Variants in CACNA1C observed in about 807,000 individuals in gnomAD.
CACNA1C encodes the protein voltage-dependent L-type calcium channel subunit alpha-1C.
CACNA1C carries 30 observed loss-of-function variants against 229.0 expected under a neutral mutation model. The ratio of observed to expected loss-of-function variants is 0.13; its 90% CI spans 0.10 to 0.18. CACNA1C has a LOEUF of 0.18. Ranked by LOEUF, CACNA1C falls within the 10% of genes least tolerant of loss-of-function variation. The probability of loss-of-function intolerance (pLI) is 1.00; values close to 1 mark genes in which losing one functional copy is unlikely to be tolerated. For missense variants in CACNA1C, 1,658 were observed against 2,845.0 expected (o/e 0.58, Z 9.49); for synonymous variants, 1,114 against 1,132.5 (o/e 0.98, Z 0.33).
rs1215741989 is a variant in CACNA1C at position 2,511,567 on chromosome 12, C to T, written c.1218-1245C>T. On this transcript the variant is annotated intron_variant, in intron 8 of 46. Transcript: ENST00000399655. ...CAAGAATTAACCAAGATGTCCTATG[C>T]ATGTACACACACACACACACACACA... Among the ~76,000 whole-genome samples, 3 of 142,550 alleles carry T rather than the reference C, an allele frequency of 2.1e-5. No homozygotes were observed. The East Asian group carries it at 6.2e-4, about 29-fold the overall frequency. The allele number at this position is 142,550 out of a possible 152,430, so 93.5% of individuals were successfully genotyped here.
intron 3 of CACNA1C, among the ~76,000 whole-genome samples, chr12:2,239,187 T>TA (rs1203253560): frequency 6.6e-6 from 1 of 152,098 alleles, no homozygotes; most frequent in Non-Finnish European, 1.5e-5. Flanking sequence ...AGGTCAGCGT[T>TA]AGAGTGGGTA....
intron 3 of CACNA1C, among the ~76,000 whole-genome samples, chr12:2,392,621 A>G (rs1406275646): frequency 6.6e-6 from 1 of 152,158 alleles, no homozygotes; most frequent in African/African-American, 2.4e-5. Flanking sequence ...GGGATTTGTC[A>G]TGGGGTGATT....
intron 3 of CACNA1C, among the ~76,000 whole-genome samples, chr12:2,218,283 A>T (rs958808923): frequency 6.6e-6 from 1 of 152,216 alleles, no homozygotes; most frequent in Non-Finnish European, 1.5e-5. Flanking sequence ...CATCAACAAC[A>T]TGCAACAATA....
At chr12:2,192,111 C>T (rs905863261) in intron 3 of CACNA1C, among the ~76,000 whole-genome samples, 1 of 152,192 alleles carries the variant, frequency 6.6e-6, no homozygotes, top group Non-Finnish European at 1.5e-5. Context: ...CGCACACACA[C>T]ACCCCCTCCC....
At chr12:2,294,281 G>A (rs1183183201) in intron 3 of CACNA1C, among the ~76,000 whole-genome samples, 7 of 152,164 alleles carry the variant, frequency 4.6e-5, no homozygotes, top group Admixed American at 2.0e-4. Flanking sequence ...ACATGGCAGC[G>A]GTGGTGGGTC....
intron 20 of CACNA1C, among the ~76,000 whole-genome samples, chr12:2,596,931 C>G (rs576223528): frequency 2.0e-5 from 3 of 152,262 alleles, no homozygotes; most frequent in Non-Finnish European, 4.4e-5. Flanking sequence ...GGAAAAGCAT[C>G]CAACCAGATG....
Position 2,550,024 on chromosome 12 carries a change from C to A in CACNA1C, c.1472C>A (p.Ala491Asp). 2 of 1,603,472 alleles carry A rather than the reference C, an allele frequency of 1.2e-6. No homozygotes were observed. The highest frequency in any genetic ancestry group is 1.7e-6 in the Non-Finnish European group (2 of 1,174,716). ...GACATCGAGGGAGAAAACTGCGGGG[C>A]CAGGCTGGCGTGAGTAGGCACGGCG... is the stretch of plus-strand genomic sequence containing the variant. Reference protein sequence around the residue: ...GGDIEGENCGARLAHRISKSK... With the variant: ...GGDIEGENCGDRLAHRISKSK... Residue 491 changes from alanine to aspartate, a missense_variant, in exon 10 of 47, where the codon GCC (alanine) becomes GAC (aspartate). By Grantham distance (126) the Ala-to-Asp change is moderately radical (BLOSUM62 -2). Transcript: ENST00000399655.
At position 2,653,567 on chromosome 12, in the gene CACNA1C, G is replaced by A. The variant is rs115186828; in HGVS notation, c.4075-268G>A. Among the ~76,000 whole-genome samples the A allele has an allele frequency of 3.7e-4, 56 of 152,162 alleles. No homozygotes were observed. Among genetic ancestry groups the A allele is most frequent in the African/African-American group, 1.3e-3 (53 of 41,500 alleles). On this transcript the variant is annotated intron_variant, in intron 32 of 46. Transcript: ENST00000399655. The surrounding 1 kb of genome is among the most constrained non-coding windows in gnomAD (Gnocchi z 4.7). ...TGTGTAGTCGGAGGAGGTTTTGCTC[G>A]TTCTTGATTGTTTTGCCCAGGTAGT...
intron 1 of CACNA1C, among the ~76,000 whole-genome samples, chr12:1,994,027 T>C (rs2154475228): frequency 6.6e-6 from 1 of 152,220 alleles, no homozygotes; most frequent in Non-Finnish European, 1.5e-5. Context: ...CACTATAAGT[T>C]TTTCTCTATA....
intron 1 of CACNA1C, among the ~76,000 whole-genome samples, chr12:2,044,631 C>G (rs1392340562): frequency 6.6e-6 from 1 of 152,130 alleles, no homozygotes; most frequent in Non-Finnish European, 1.5e-5. Flanking sequence ...TTTTAGATTT[C>G]AGGGATGGGA....
chr12:2,612,078 T>A, intron 29 of CACNA1C, 65 bp downstream of exon 29: 1 of 972,406 alleles, frequency 1.0e-6, no homozygotes, highest in Non-Finnish European at 1.7e-6. Context: ...GGAGGTGGGG[T>A]GCAGGTATTG....
intron 3 of CACNA1C, among the ~76,000 whole-genome samples, chr12:2,313,580 A>AT (rs2095541704): frequency 6.6e-6 from 1 of 152,212 alleles, no homozygotes; most frequent in South Asian, 2.1e-4. Context: ...TTGGGACAAC[A>AT]TTTGGTTTCC....
At chr12:2,312,424 A>G (rs2095487428) in intron 3 of CACNA1C, among the ~76,000 whole-genome samples, 2 of 152,182 alleles carry the variant, frequency 1.3e-5, no homozygotes, top group Non-Finnish European at 2.9e-5. Flanking sequence ...CAACACCCAC[A>G]ACAAAGCACT....
chr12:2,278,485 C>A (rs2089826485), intron 3 of CACNA1C, among the ~76,000 whole-genome samples: 1 of 152,040 alleles, frequency 6.6e-6, no homozygotes, highest in Non-Finnish European at 1.5e-5. Context: ...TGTTTTATAT[C>A]AATGAAGTCA....
chr12:2,324,819 G>C (rs1056420247), intron 3 of CACNA1C, among the ~76,000 whole-genome samples: 5 of 152,164 alleles, frequency 3.3e-5, no homozygotes, highest in East Asian at 1.9e-4. Context: ...GGGGTTTGCT[G>C]TCTGTCTTGC....
chr12:2,052,523 C>A (rs1212240162), upstream of CACNA1C, among the ~76,000 whole-genome samples: 2 of 151,332 alleles, frequency 1.3e-5, no homozygotes, highest in Admixed American at 1.3e-4. Context: ...GACGCGCCGC[C>A]GCAGCGGAGG....
intron 18 of CACNA1C, among the ~76,000 whole-genome samples, chr12:2,589,588 G>A (rs544295658): frequency 5.3e-5 from 8 of 152,350 alleles, no homozygotes; most frequent in South Asian, 2.1e-4. Flanking sequence ...GGCAGAAGGC[G>A]CAGGGCCATG....
In CACNA1C at chr12:2,566,079, T is replaced by TAA. The variant is rs1332982397; in HGVS notation, c.1509-342_1509-341dup. ...CTCTTATTGCTTACAACACTATTTCTAAGAATGCTGTTTCACAAAAATTAA... is the reference window on the plus strand; with the variant it reads ...CTCTTATTGCTTACAACACTATTTCTAAAAGAATGCTGTTTCACAAAAATTAA... On this transcript the variant is annotated intron_variant, in intron 11 of 46. Transcript: ENST00000399655. The surrounding 1 kb of genome is among the most constrained non-coding windows in gnomAD (Gnocchi z 4.0). 6.6e-6 allele frequency among the ~76,000 whole-genome samples: 1 copy of TAA among 152,230 alleles called. No homozygotes were observed. Among genetic ancestry groups the TAA allele is most frequent in the African/African-American group, 2.4e-5 (1 of 41,446 alleles).
At chr12:2,542,698 A>G (rs1257286751) in intron 9 of CACNA1C, among the ~76,000 whole-genome samples, 1 of 152,148 alleles carries the variant, frequency 6.6e-6, no homozygotes, top group Non-Finnish European at 1.5e-5. Context: ...GACTTTTTAT[A>G]ATCTCCCCAG....
Sources: allele counts gnomAD v4.1 joint callset (sites outside exome capture counted in the v4.1 genomes callset), GRCh38; gene constraint gnomAD v4.1.1; non-coding constraint Gnocchi (gnomAD v3.1); transcripts MANE v1.5; gene names NCBI Gene and HGNC (gene_info 2026-07-23, HGNC 2026-07-21).